Variants in L3MBTL4 observed in about 807,000 individuals in gnomAD.
L3MBTL4 encodes the protein L3MBTL histone methyl-lysine binding protein 4, also known as lethal(3)malignant brain tumor-like protein 4.
Under a neutral mutation model 84.5 loss-of-function variants are expected in L3MBTL4, and 70 were observed. The observed-to-expected ratio is 0.83, with a 90% CI of 0.68 to 1.01. The LOEUF is 1.01. Ranked by LOEUF, L3MBTL4 falls within the 50% of genes least tolerant of loss-of-function variation. The pLI, the probability that L3MBTL4 is intolerant of heterozygous loss-of-function variation, is 0.00. For synonymous variants in L3MBTL4, 274 were observed against 259.8 expected, an observed-to-expected ratio of 1.05 and a Z score of -0.52; for missense variants, 715 against 754.8, an observed-to-expected ratio of 0.95 and a Z score of 0.62.
intron 1 of L3MBTL4, among the ~76,000 whole-genome samples, chr18:6,316,095 T>C (rs575045250): frequency 7.2e-6 from 1 of 139,802 alleles, no homozygotes; most frequent in Non-Finnish European, 1.6e-5. Context: ...TGCCTACTGC[T>C]GGGAGACATA....
chr18:6,263,996 T>C lies in L3MBTL4; in HGVS notation c.170A>G (p.Tyr57Cys). The C allele has an allele frequency of 1.9e-6, 3 of 1,614,082 alleles. No individual in the cohort carries two copies. Among genetic ancestry groups the C allele is most frequent in the Non-Finnish European group, 2.5e-6 (3 of 1,179,908 alleles). Residue 57 changes from tyrosine (Y) to cysteine (C), a missense_variant, in exon 5 of 19, where the codon TAC becomes TGC. Coordinates refer to ENST00000317931, the MANE Select transcript of L3MBTL4 (RefSeq NM_001330559.2). ...TGCGACAGCCTTCTGTTCTTTCAAGTACCACTCCCAAGACCATGCTCCCTG... is the reference window on the plus strand; with the variant it reads ...TGCGACAGCCTTCTGTTCTTTCAAGCACCACTCCCAAGACCATGCTCCCTG... Reference protein sequence around the residue: ...AAQGAWSWEWYLKEQKAVAAP... With the variant: ...AAQGAWSWEWCLKEQKAVAAP...
chr18:6,102,206 T>C (rs2058855936), intron 14 of L3MBTL4, among the ~76,000 whole-genome samples: 1 of 152,206 alleles, frequency 6.6e-6, no homozygotes. Context: ...CATCAGTGTC[T>C]AAAGAAATAC....
At chr18:6,283,551 C>A (rs1334212393) in intron 4 of L3MBTL4, among the ~76,000 whole-genome samples, 2 of 151,650 alleles carry the variant, frequency 1.3e-5, no homozygotes, top group Admixed American at 6.6e-5. Flanking sequence ...ATAGGAACCT[C>A]CTAAGCAAAA....
intron 18 of L3MBTL4, among the ~76,000 whole-genome samples, chr18:5,958,177 CGACGAA>C (rs2095244111): frequency 1.4e-5 from 2 of 146,156 alleles, no homozygotes; most frequent in East Asian, 2.0e-4. Flanking sequence ...AAGAAGAAGA[CGACGAA>C]GAAGAAGAGG....
At chr18:6,085,036 T>C (rs971486696) in intron 15 of L3MBTL4, among the ~76,000 whole-genome samples, 4 of 152,200 alleles carry the variant, frequency 2.6e-5, no homozygotes, top group African/African-American at 9.6e-5. Flanking sequence ...TTATTTATTC[T>C]CAGTCAAGCA....
chr18:6,230,975 T>C (rs2046976664), intron 10 of L3MBTL4, among the ~76,000 whole-genome samples: 1 of 152,196 alleles, frequency 6.6e-6, no homozygotes, highest in Admixed American at 6.6e-5. Flanking sequence ...GGATTCCAGA[T>C]ATTAGACTTT....
chr18:6,350,122 A>T (rs1290602906), intron 1 of L3MBTL4, among the ~76,000 whole-genome samples: 1 of 152,164 alleles, frequency 6.6e-6, no homozygotes, highest in Non-Finnish European at 1.5e-5. Context: ...TGAACAAAAG[A>T]CCTAAACATA....
chr18:6,140,071 C>G (rs1301936870), intron 13 of L3MBTL4, among the ~76,000 whole-genome samples: 1 of 152,176 alleles, frequency 6.6e-6, no homozygotes, highest in Non-Finnish European at 1.5e-5. Flanking sequence ...ACAAAACCCT[C>G]TGGGTCTTGT....
At chr18:6,308,827 A>G (rs2050704616) in intron 3 of L3MBTL4, among the ~76,000 whole-genome samples, 2 of 152,126 alleles carry the variant, frequency 1.3e-5, no homozygotes, top group African/African-American at 4.8e-5. Flanking sequence ...TTAGGGGTTT[A>G]GTGTATGTGT....
chr18:6,363,749 C>T (rs2053814292), intron 1 of L3MBTL4, among the ~76,000 whole-genome samples: 1 of 151,990 alleles, frequency 6.6e-6, no homozygotes, highest in South Asian at 2.1e-4. Flanking sequence ...GTGAAGGAGC[C>T]CAGCTTTGAA....
chr18:6,176,504 GA>G (rs998402101), intron 12 of L3MBTL4, among the ~76,000 whole-genome samples: 2 of 151,530 alleles, frequency 1.3e-5, no homozygotes, highest in African/African-American at 2.4e-5. Flanking sequence ...ATCAACATGT[GA>G]AAAAAAATGA....
chr18:6,264,477 T>C (rs997169221), intron 4 of L3MBTL4, among the ~76,000 whole-genome samples: 12 of 152,174 alleles, frequency 7.9e-5, no homozygotes, highest in African/African-American at 2.9e-4. Flanking sequence ...GTGGCAGTAT[T>C]TGTCAAAGCT....
At chr18:5,967,248 G>A (rs1052815929) in intron 17 of L3MBTL4, among the ~76,000 whole-genome samples, 1 of 152,220 alleles carries the variant, frequency 6.6e-6, no homozygotes, top group Non-Finnish European at 1.5e-5. Flanking sequence ...ATGGTGGGCA[G>A]GAAGTCAGCT....
At chr18:5,965,686 C>A (rs2052318592) in intron 17 of L3MBTL4, among the ~76,000 whole-genome samples, 1 of 152,144 alleles carries the variant, frequency 6.6e-6, no homozygotes, top group African/African-American at 2.4e-5. Context: ...AATCACAAAG[C>A]CCCCATTTTC....
rs115043732 is a variant in L3MBTL4, at chr18:6,179,933, C to T, written c.982-7991G>A. Among the ~76,000 whole-genome samples, 579 of 152,292 alleles carry T rather than the reference C, an allele frequency of 3.8e-3. 1 individual carries two copies. The highest frequency in any genetic ancestry group is 0.013 in the African/African-American group (522 of 41,564). ...GATTACAGGCATGAGGCACTGAGTG[C>T]GGCCCTATATAGCGCCTCATTTAAT... is the stretch of plus-strand genomic sequence containing the variant. On this transcript the variant is annotated intron_variant, in intron 12 of 18. Transcript: ENST00000317931.
Position 6,034,387 on chromosome 18 carries a change from A to C in L3MBTL4, c.1444+46494T>G, listed in dbSNP as rs1233096193. On this transcript the variant is annotated intron_variant, in intron 16 of 18. Transcript: ENST00000317931. ...TGTTCAATTCCCACCTATGAGTAAG[A>C]ATATGCGGTGTTTGGTTTTTTGTTC... Among the ~76,000 whole-genome samples, 15 of 152,154 alleles carry C rather than the reference A, an allele frequency of 9.9e-5. No homozygotes were observed. The East Asian group carries it at 2.1e-3, about 22-fold the overall frequency.
intron 14 of L3MBTL4, among the ~76,000 whole-genome samples, chr18:6,121,872 T>C (rs2059540911): frequency 6.6e-6 from 1 of 152,204 alleles, no homozygotes; most frequent in African/African-American, 2.4e-5. Context: ...TGTAGCAGGT[T>C]TGTGCGTCAT....
In L3MBTL4 at chr18:6,143,109, G is replaced by A. The variant is rs559956424; in HGVS notation, c.1097-4813C>T. ...CATCAGCTAACCCAGATGTAACTCTGTGTGGACAACATCCTACACACAGAG... is the reference window on the plus strand; with the variant it reads ...CATCAGCTAACCCAGATGTAACTCTATGTGGACAACATCCTACACACAGAG... On this transcript the variant is annotated intron_variant, in intron 13 of 18. Transcript: ENST00000317931. Among the ~76,000 whole-genome samples the A allele has an allele frequency of 7.2e-5, 11 of 152,252 alleles. No homozygotes were observed. In the South Asian group the frequency reaches 1.9e-3, roughly 26 times the overall value.
At chr18:6,298,766 C>T (rs1004101045) in intron 4 of L3MBTL4, among the ~76,000 whole-genome samples, 7 of 151,790 alleles carry the variant, frequency 4.6e-5, no homozygotes, top group South Asian at 2.1e-4. Flanking sequence ...CCCAGTTACT[C>T]GGGAGGCTGA....
Sources: gnomAD v4.1 joint callset for allele counts (sites outside exome capture counted in the v4.1 genomes callset) on GRCh38, gnomAD v4.1.1 for gene constraint, MANE v1.5 for transcripts, NCBI Gene and HGNC (gene_info 2026-07-23, HGNC 2026-07-21) for gene names.